The following PTPRM variants were observed in gnomAD, a reference collection of about 807,000 sequenced individuals.
PTPRM encodes the protein protein tyrosine phosphatase receptor type M.
In PTPRM, 47 loss-of-function variants were observed where a neutral mutation model predicts 186.7. The observed-to-expected ratio is 0.25, with a 90% CI of 0.20 to 0.32. PTPRM has a LOEUF of 0.32. Ranked by LOEUF, PTPRM falls within the 10% of genes least tolerant of loss-of-function variation. The probability of loss-of-function intolerance (pLI) is 1.00; values close to 1 mark genes in which losing one functional copy is unlikely to be tolerated. For missense variants in PTPRM, 1,494 were observed against 1,865.0 expected (o/e 0.80, Z 3.66); for synonymous variants, 668 against 674.9 (o/e 0.99, Z 0.16).
At chr18:7,936,456 G>A (rs541861374) in intron 5 of PTPRM, among the ~76,000 whole-genome samples, 21 of 152,308 alleles carry the variant, frequency 1.4e-4, no homozygotes, top group African/African-American at 5.1e-4. Context: ...TCGCAACCCA[G>A]CCAGGTGTGT....
intron 14 of PTPRM, among the ~76,000 whole-genome samples, chr18:8,187,787 A>G (rs73391915): frequency 0.036 from 5,520 of 152,206 alleles, 314 homozygotes; most frequent in African/African-American, 0.13. Context: ...CCCACCATAG[A>G]GTGTACAGGC....
At chr18:8,295,017 A>C (rs2095080899) in intron 19 of PTPRM, among the ~76,000 whole-genome samples, 1 of 152,228 alleles carries the variant, frequency 6.6e-6, no homozygotes, top group Admixed American at 6.5e-5. Context: ...TTGACAAACT[A>C]TGTAACTAAT....
Position 7,906,505 on chromosome 18 carries a change from G to A in PTPRM, c.469G>A (p.Val157Met), listed in dbSNP as rs934848477. The change falls in exon 4 of 33, where the codon GTG becomes ATG. Residue 157 changes from valine to methionine, a missense_variant and splice_region_variant. Val to Met is a conservative substitution (Grantham distance 21). Transcript: ENST00000580170. ...ISTFWPNFYQ[V>M]IFEVITSGHQ... ...ATGTAAATCTTTCTTAATTTTCCAG[G>A]TGATTTTTGAAGTGATAACTTCTGG... The A allele has an allele frequency of 2.5e-6, 4 of 1,608,494 alleles. No homozygotes were observed. The African/African-American group carries it at 5.3e-5, about 22-fold the overall frequency.
rs1011473975 is a variant in PTPRM at position 7,798,402 on chromosome 18, G to A, written c.196+24131G>A. Among the ~76,000 whole-genome samples the A allele has an allele frequency of 2.6e-5, 4 of 151,920 alleles. No individual in the cohort carries two copies. The South Asian group carries it at 6.2e-4, about 24-fold the overall frequency. On this transcript the variant is annotated intron_variant, in intron 2 of 32. Transcript: ENST00000580170. ...AAATTAGCTGGGCGTGGTGGCAGGC[G>A]CCTGTAATTCCAGCTACTCAGGAGG... is the stretch of plus-strand genomic sequence containing the variant.
chr18:7,637,925 C>T (rs1229498906), intron 1 of PTPRM, among the ~76,000 whole-genome samples: 1 of 152,174 alleles, frequency 6.6e-6, no homozygotes, highest in Non-Finnish European at 1.5e-5. Context: ...ACTAACCTTA[C>T]CTAATGGGGT....
In PTPRM at chr18:8,162,049, T is replaced by C. The variant is rs143710860; in HGVS notation, c.2300+18270T>C. 3.2e-4 allele frequency among the ~76,000 whole-genome samples: 49 copies of C among 152,330 alleles called. No homozygotes were observed. The East Asian group carries it at 5.8e-3, about 18-fold the overall frequency. ...TTGTTGAGCCTCAGATAGCAATATC[T>C]GTTAGAATACTTTTTCTCATAAGAC... On this transcript the variant is annotated intron_variant, in intron 14 of 32. Transcript: ENST00000580170.
chr18:8,034,025 T>G lies in PTPRM; in HGVS notation c.1133-35661T>G, dbSNP rs191858275. 1.4e-3 allele frequency among the ~76,000 whole-genome samples: 217 copies of G among 152,312 alleles called. 1 individual carries two copies. Among genetic ancestry groups the G allele is most frequent in the South Asian group, 3.7e-3 (18 of 4,816 alleles). ...ATCTTCATGTGGCCTTCACTTCATT[T>G]GGTTTTCAAATCTCCCTTGTGTATC... On this transcript the variant is annotated intron_variant, in intron 7 of 32. Coordinates refer to ENST00000580170, the MANE Select transcript of PTPRM (RefSeq NM_001105244.2).
intron 18 of PTPRM, 104 bp from the exon 19 acceptor site, chr18:8,253,123 C>A (rs143656979): frequency 0.017 from 16,391 of 964,266 alleles, 165 homozygotes; most frequent in Middle Eastern, 0.03. Context: ...GAATTTTGCA[C>A]CCCTAGGTGA....
chr18:8,347,560 G>T (rs1418003991), intron 23 of PTPRM, among the ~76,000 whole-genome samples: 1 of 152,190 alleles, frequency 6.6e-6, no homozygotes, highest in Non-Finnish European at 1.5e-5. Context: ...TTTAGAAAAG[G>T]AATGAAAATG....
At chr18:7,919,399 A>G (rs1023590358) in intron 4 of PTPRM, among the ~76,000 whole-genome samples, 1 of 152,122 alleles carries the variant, frequency 6.6e-6, no homozygotes, top group African/African-American at 2.4e-5. Context: ...GTCATTTTAA[A>G]AATTATTGAA....
chr18:8,277,504 C>T (rs2147699283), intron 19 of PTPRM, among the ~76,000 whole-genome samples: 1 of 152,282 alleles, frequency 6.6e-6, no homozygotes, highest in Non-Finnish European at 1.5e-5. Context: ...TGTTGTAATA[C>T]TGTTTTGCAA....
At chr18:8,390,841 T>C (rs1437778570) in intron 31 of PTPRM, among the ~76,000 whole-genome samples, 2 of 151,678 alleles carry the variant, frequency 1.3e-5, no homozygotes, top group African/African-American at 4.8e-5. Context: ...GGCAGGAAAA[T>C]GACGTGAACC....
chr18:8,093,275 G>A (rs979729344), intron 11 of PTPRM, among the ~76,000 whole-genome samples: 1 of 152,078 alleles, frequency 6.6e-6, no homozygotes, highest in African/African-American at 2.4e-5. Flanking sequence ...ACCTCATGGG[G>A]TTCTTGTGAA....
intron 22 of PTPRM, among the ~76,000 whole-genome samples, chr18:8,330,781 C>T (rs1354065227): frequency 1.3e-5 from 2 of 152,202 alleles, no homozygotes; most frequent in African/African-American, 2.4e-5. Context: ...TCTGTACCTC[C>T]GCCAGCAGGA....
intron 11 of PTPRM, among the ~76,000 whole-genome samples, chr18:8,099,153 CTCTCTT>C (rs934329540): frequency 7.9e-5 from 12 of 151,552 alleles, no homozygotes; most frequent in African/African-American, 2.7e-4. Flanking sequence ...CTCTCTCTCT[CTCTCTT>C]TCTCTCTCTC....
intron 1 of PTPRM, among the ~76,000 whole-genome samples, chr18:7,763,134 C>G (rs1851399202): frequency 6.6e-6 from 1 of 152,180 alleles, no homozygotes; most frequent in Admixed American, 6.5e-5. Flanking sequence ...CCCTGCACCC[C>G]CTTGTCATTG....
At chr18:7,906,133 C>T (rs1030604011) in intron 3 of PTPRM, among the ~76,000 whole-genome samples, 17 of 152,142 alleles carry the variant, frequency 1.1e-4, no homozygotes, top group African/African-American at 3.4e-4. Flanking sequence ...TTGGTGTCCC[C>T]ATCTTCCACC....
chr18:8,395,931 G>A (rs1471131298), intron 32 of PTPRM, among the ~76,000 whole-genome samples: 1 of 152,248 alleles, frequency 6.6e-6, no homozygotes, highest in African/African-American at 2.4e-5. Flanking sequence ...TACCCAGTGT[G>A]CAGAGAGATG....
intron 14 of PTPRM, among the ~76,000 whole-genome samples, chr18:8,197,383 G>A (rs2093794111): frequency 6.6e-6 from 1 of 152,130 alleles, no homozygotes; most frequent in African/African-American, 2.4e-5. Flanking sequence ...TTTCAATGTG[G>A]TCATCAACTC....
Sources: gnomAD v4.1 joint callset for allele counts (sites outside exome capture counted in the v4.1 genomes callset) on GRCh38, gnomAD v4.1.1 for gene constraint, MANE v1.5 for transcripts, NCBI Gene and HGNC (gene_info 2026-07-23, HGNC 2026-07-21) for gene names.